The following ROPN1L variants were observed in gnomAD, a reference collection of about 807,000 sequenced individuals.
The protein encoded by ROPN1L is rhophilin associated tail protein 1 like, also known as ropporin-1-like protein.
In ROPN1L, 23 loss-of-function variants were observed where a neutral mutation model predicts 22.7. The observed-to-expected ratio is 1.01, with a 90% CI of 0.73 to 1.43. ROPN1L has a LOEUF of 1.43. Among genes scored for constraint, ROPN1L ranks in the 40% most tolerant of loss-of-function variants. ROPN1L has a pLI of 0.00. For missense variants in ROPN1L, 271 were observed against 291.5 expected (o/e 0.93, Z 0.51); for synonymous variants, 116 against 117.8 (o/e 0.98, Z 0.10).
intron 1 of ROPN1L, among the ~76,000 whole-genome samples, chr5:10,446,336 G>A (rs1278816718): frequency 6.6e-6 from 1 of 152,170 alleles, no homozygotes; most frequent in Non-Finnish European, 1.5e-5. Flanking sequence ...GATGCCTGGA[G>A]TACCATCCAC....
intron 3 of ROPN1L, among the ~76,000 whole-genome samples, chr5:10,458,031 G>A (rs750024458): frequency 6.6e-6 from 1 of 152,070 alleles, no homozygotes; most frequent in Non-Finnish European, 1.5e-5. Context: ...TTTGCCAAGC[G>A]ATGTGGTGTA....
the ROPN1L span, chr5:10,482,167 T>G: frequency 2.0e-5 from 3 of 151,518 alleles, no homozygotes; most frequent in African/African-American, 7.3e-5. Context: ...GAGGTGGAGA[T>G]TGCAGTGAGC....
At chr5:10,462,505 G>A (rs932366662) in intron 4 of ROPN1L, among the ~76,000 whole-genome samples, 13 of 152,216 alleles carry the variant, frequency 8.5e-5, no homozygotes, top group Non-Finnish European at 1.5e-5. Context: ...TTTAGAGGGA[G>A]AGAATGTATC....
chr5:10,480,410 C>G, the ROPN1L span, among the ~76,000 whole-genome samples: 5 of 152,158 alleles, frequency 3.3e-5, no homozygotes, highest in Non-Finnish European at 7.3e-5. Context: ...TCCTGAAAAC[C>G]CCATCTCTGT....
chr5:10,446,674 C>A (rs576516863), intron 1 of ROPN1L, among the ~76,000 whole-genome samples: 88 of 114,450 alleles, frequency 7.7e-4, no homozygotes, highest in Non-Finnish European at 1.4e-3. Context: ...AAAAAAAAAG[C>A]GTCTCCAGAA....
intron 1 of ROPN1L, among the ~76,000 whole-genome samples, chr5:10,445,654 G>A (rs138201141): frequency 1.5e-3 from 222 of 152,304 alleles, no homozygotes; most frequent in African/African-American, 5.1e-3. Flanking sequence ...GGCTGAGCAC[G>A]GTGGCTCACA....
intron 1 of ROPN1L, among the ~76,000 whole-genome samples, chr5:10,446,554 A>C (rs958668047): frequency 6.6e-6 from 1 of 151,780 alleles, no homozygotes; most frequent in Non-Finnish European, 1.5e-5. Context: ...CCAGCTACTC[A>C]GGAGGCTGAG....
chr5:10,449,571 A>C (rs1229757311), intron 2 of ROPN1L, among the ~76,000 whole-genome samples: 1 of 152,158 alleles, frequency 6.6e-6, no homozygotes, highest in African/African-American at 2.4e-5. Flanking sequence ...CAGTTTTAAG[A>C]TCTCTCCTAT....
chr5:10,469,939 G>A (rs543106838), downstream of ROPN1L, among the ~76,000 whole-genome samples: 1 of 152,188 alleles, frequency 6.6e-6, no homozygotes, highest in South Asian at 2.1e-4. Context: ...ACGATTAGTT[G>A]TTATTTCTTG....
chr5:10,474,406 G>A (rs910986087), downstream of ROPN1L, among the ~76,000 whole-genome samples: 3 of 152,178 alleles, frequency 2.0e-5, no homozygotes, highest in Admixed American at 2.0e-4. Context: ...CTAGAGAGGG[G>A]TTCTCACACT....
the ROPN1L span, chr5:10,479,333 C>G: frequency 2.0e-5 from 3 of 152,230 alleles, no homozygotes; most frequent in Non-Finnish European, 4.4e-5. Flanking sequence ...CCCAGCCCCC[C>G]AGATGTGATG....
Position 10,442,015 on chromosome 5 carries a change from G to A in ROPN1L, c.-153G>A. 1 of 1,077,096 alleles carries A rather than the reference G, an allele frequency of 9.3e-7. No homozygotes were observed. The highest frequency in any genetic ancestry group is 1.3e-6 in the Non-Finnish European group (1 of 754,898). 66.7% of individuals were successfully genotyped at this position (1,077,096 alleles called of 1,614,324 possible). A position where few individuals can be genotyped will look rare whatever the true frequency, so the allele number is the denominator to read the frequency against. On this transcript the variant is annotated 5_prime_UTR_variant, in exon 1 of 5. Coordinates refer to ENST00000274134, the MANE Select transcript of ROPN1L (RefSeq NM_031916.5). Reference sequence around the variant, plus strand: ...CCGCGGAGGAGCGGGTAAGAGCCCCGCGAATCCGGCCCCAACCTCGGGAAC... The same window carrying A: ...CCGCGGAGGAGCGGGTAAGAGCCCCACGAATCCGGCCCCAACCTCGGGAAC...
chr5:10,461,342 C>A lies in ROPN1L; in HGVS notation c.576C>A (p.Ala192=). 1 of 1,613,882 alleles carries A rather than the reference C, an allele frequency of 6.2e-7. No homozygotes were observed. Among genetic ancestry groups the A allele is most frequent in the Non-Finnish European group, 8.5e-7 (1 of 1,179,860 alleles). Residue 192 remains alanine (A), a synonymous_variant, in exon 4 of 5, where the codon GCC becomes GCA. Transcript: ENST00000274134. ...VSPLETESYL[A]SLKENIDARK... Reference sequence around the variant, plus strand: ...CCTTGGAGACGGAATCCTACCTTGCCTCTCTAAAGGAAAATATGTAAGTAT... The same window carrying A: ...CCTTGGAGACGGAATCCTACCTTGCATCTCTAAAGGAAAATATGTAAGTAT...
intron 3 of ROPN1L, among the ~76,000 whole-genome samples, chr5:10,453,410 G>T (rs1011259181): frequency 1.3e-5 from 2 of 152,172 alleles, no homozygotes; most frequent in Admixed American, 6.5e-5. Flanking sequence ...GCCCTGGGTG[G>T]CTTGGAGGTG....
chr5:10,465,015 C>G lies in ROPN1L; in HGVS notation c.*68C>G, dbSNP rs1051157321. ...AAATTCTGGCACCAAATACAACTTA[C>G]CCTGAATCACACACCTCTGTAGTGT... On this transcript the variant is annotated 3_prime_UTR_variant, in exon 5 of 5. Coordinates refer to ENST00000274134, the MANE Select transcript of ROPN1L (RefSeq NM_031916.5). 5.9e-5 allele frequency: 52 copies of G among 878,250 alleles called. No individual in the cohort carries two copies. The highest frequency in any genetic ancestry group is 3.0e-4 in the South Asian group (18 of 59,652). 54.4% of individuals were successfully genotyped at this position (878,250 alleles called of 1,614,324 possible). A position where few individuals can be genotyped will look rare whatever the true frequency, so the allele number is the denominator to read the frequency against.
the ROPN1L span, among the ~76,000 whole-genome samples, chr5:10,482,653 G>T: frequency 1.3e-5 from 2 of 152,160 alleles, no homozygotes; most frequent in African/African-American, 4.8e-5. Context: ...TTGGAACTGG[G>T]GTCCTGGTGG....
At chr5:10,450,201 C>T in intron 3 of ROPN1L, 88 bp downstream of exon 3, 6 of 1,063,854 alleles carry the variant, frequency 5.6e-6, no homozygotes, top group Non-Finnish European at 8.0e-6. Flanking sequence ...CTAAAGGAAA[C>T]ACTTTAGTAA....
chr5:10,458,239 A>G (rs1734889819), intron 3 of ROPN1L, among the ~76,000 whole-genome samples: 2 of 151,684 alleles, frequency 1.3e-5, no homozygotes. Context: ...TCTCTCCACC[A>G]GGAAATGCTT....
At chr5:10,448,573 G>A (rs1156598324) in intron 2 of ROPN1L, among the ~76,000 whole-genome samples, 190 bp downstream of exon 2, 1 of 152,190 alleles carries the variant, frequency 6.6e-6, no homozygotes, top group East Asian at 1.9e-4. Context: ...GTGTCTGGGA[G>A]GTCTTTTTCT....
Sources: allele counts gnomAD v4.1 joint callset (sites outside exome capture counted in the v4.1 genomes callset), GRCh38; gene constraint gnomAD v4.1.1; transcripts MANE v1.5; gene names NCBI Gene and HGNC (gene_info 2026-07-23, HGNC 2026-07-21).